The following RPTOR variants were observed in gnomAD, a reference collection of about 807,000 sequenced individuals.
RPTOR encodes regulatory-associated protein of mTOR.
In RPTOR, 21 loss-of-function variants were observed where a neutral mutation model predicts 169.9. The observed-to-expected ratio is 0.12, with a 90% confidence interval of 0.09 to 0.18. The LOEUF (loss-of-function observed/expected upper bound fraction) is 0.18. RPTOR is among the 10% of genes least tolerant of loss of function. The pLI is 1.00. For synonymous variants in RPTOR, 732 were observed against 753.2 expected (o/e 0.97, Z 0.46); for missense variants, 1,133 against 1,855.9 (o/e 0.61, Z 7.16).
Position 80,778,529 on chromosome 17 carries a change from A to G in RPTOR, c.831-12921A>G, listed in dbSNP as rs186227216. On this transcript the variant is annotated intron_variant, in intron 6 of 33. Coordinates refer to ENST00000306801, the MANE Select transcript of RPTOR (RefSeq NM_020761.3). ...TCACATTTTCCATACACCCCACACG[A>G]TTAAAGAATGGTCATTCTGCGTTTC... Among the ~76,000 whole-genome samples, 19 of 152,284 alleles carry G rather than the reference A, an allele frequency of 1.2e-4. No individual in the cohort carries two copies. In the East Asian group the frequency reaches 3.7e-3, roughly 29 times the overall value.
chr17:80,901,795 G>A (rs2068479163), intron 20 of RPTOR, among the ~76,000 whole-genome samples: 1 of 151,718 alleles, frequency 6.6e-6, no homozygotes, highest in Admixed American at 6.6e-5. Flanking sequence ...ATCTTTCCTG[G>A]CCCCCCAGAA....
chr17:80,657,716 A>G (rs2065690685), intron 3 of RPTOR, among the ~76,000 whole-genome samples: 2 of 152,144 alleles, frequency 1.3e-5, no homozygotes, highest in Non-Finnish European at 2.9e-5. Flanking sequence ...GGGCTGACTT[A>G]CTGGGGCATT....
chr17:80,634,325 A>ACTG (rs1567830581), intron 2 of RPTOR, among the ~76,000 whole-genome samples: 4 of 18,346 alleles, frequency 2.2e-4, no homozygotes, highest in Non-Finnish European at 3.2e-4. Context: ...TGTGCGTACT[A>ACTG]TGTGCGTGTG....
chr17:80,794,957 T>C (rs2067086310), intron 7 of RPTOR, among the ~76,000 whole-genome samples: 1 of 152,198 alleles, frequency 6.6e-6, no homozygotes. Flanking sequence ...GGTGATGTCT[T>C]GATGCTGGTG....
At chr17:80,742,973 A>T (rs969882647) in intron 5 of RPTOR, among the ~76,000 whole-genome samples, 5 of 152,110 alleles carry the variant, frequency 3.3e-5, no homozygotes. Context: ...TTTTGGTGCC[A>T]TGCCGCAGCA....
At chr17:80,618,335 C>G (rs2065328695) in intron 1 of RPTOR, among the ~76,000 whole-genome samples, 1 of 152,124 alleles carries the variant, frequency 6.6e-6, no homozygotes, top group Non-Finnish European at 1.5e-5. Flanking sequence ...CAGAATAAAA[C>G]TAGCACCTTT....
chr17:80,931,563 T>C (rs1254759406), intron 24 of RPTOR, among the ~76,000 whole-genome samples: 1 of 152,038 alleles, frequency 6.6e-6, no homozygotes, highest in Non-Finnish European at 1.5e-5. Context: ...CCTGTGCTGC[T>C]CCCCACAGAA....
intron 6 of RPTOR, among the ~76,000 whole-genome samples, chr17:80,757,329 C>G (rs1275584696): frequency 1.3e-5 from 2 of 152,196 alleles, no homozygotes; most frequent in African/African-American, 4.8e-5. Flanking sequence ...AGGCGGAAGA[C>G]CCTCTTGAGG....
intron 3 of RPTOR, among the ~76,000 whole-genome samples, chr17:80,653,024 A>T (rs571194339): frequency 2.4e-4 from 37 of 152,106 alleles, no homozygotes; most frequent in Admixed American, 4.6e-4. Flanking sequence ...TCATGTGCTT[A>T]TTGGCCATTT....
chr17:80,737,227 G>A (rs774797966), intron 5 of RPTOR, among the ~76,000 whole-genome samples: 3 of 152,168 alleles, frequency 2.0e-5, no homozygotes, highest in Admixed American at 6.5e-5. Flanking sequence ...CCATCACTGC[G>A]TGTCTGTGAC....
At chr17:80,841,948 C>T (rs144192190) in intron 10 of RPTOR, among the ~76,000 whole-genome samples, 7,393 of 135,944 alleles carry the variant, frequency 0.054, 440 homozygotes, top group East Asian at 0.13. Context: ...CGGCAGCTCA[C>T]ACTCACCGCA....
chr17:80,871,795 A>AT (rs1289614814), intron 13 of RPTOR, among the ~76,000 whole-genome samples: 1 of 151,918 alleles, frequency 6.6e-6, no homozygotes, highest in Admixed American at 6.6e-5. Context: ...CATTTCTGGG[A>AT]TTTTTTAGTA....
rs527503002 is a variant in RPTOR, at chr17:80,835,836, A to G, written c.1137-2086A>G. On this transcript the variant is annotated intron_variant, in intron 9 of 33. Transcript: ENST00000306801. ...ACACTTCCGGTCCCAGGCATTTTAGAGAAGAGATACTCAACCTGTATCCGC... is the reference window on the plus strand; with the variant it reads ...ACACTTCCGGTCCCAGGCATTTTAGGGAAGAGATACTCAACCTGTATCCGC... Among the ~76,000 whole-genome samples, 209 of 152,322 alleles carry G rather than the reference A, an allele frequency of 1.4e-3. 1 individual carries two copies. The highest frequency in any genetic ancestry group is 3.4e-3 in the Middle Eastern group (1 of 294).
chr17:80,797,309 T>G (rs2067110904), intron 7 of RPTOR, among the ~76,000 whole-genome samples: 1 of 152,210 alleles, frequency 6.6e-6, no homozygotes, highest in African/African-American at 2.4e-5. Flanking sequence ...ATTTTTATTT[T>G]GGGTTGTTTG....
chr17:80,900,565 C>T (rs1426414329), intron 20 of RPTOR, among the ~76,000 whole-genome samples: 1 of 152,214 alleles, frequency 6.6e-6, no homozygotes, highest in Non-Finnish European at 1.5e-5. Flanking sequence ...ATCTGCGCGC[C>T]TCAGCCTCCC....
In RPTOR at chr17:80,793,123, G is replaced by A. The variant is rs1214728072; in HGVS notation, c.890+1614G>A. 3.3e-5 allele frequency among the ~76,000 whole-genome samples: 5 copies of A among 152,104 alleles called. No homozygotes were observed. In the East Asian group the frequency reaches 5.8e-4, roughly 18 times the overall value. On this transcript the variant is annotated intron_variant, in intron 7 of 33. Transcript: ENST00000306801. ...ATTCTGGCCGTGCCAGGCCAAAATC[G>A]GAAACTTTTTGAGCACTGATGTGCT...
intron 1 of RPTOR, among the ~76,000 whole-genome samples, chr17:80,623,010 C>CTTT (rs1388519789): frequency 6.6e-6 from 1 of 152,120 alleles, no homozygotes; most frequent in Non-Finnish European, 1.5e-5. Context: ...ACTTTAAATT[C>CTTT]TGTTTTGAAT....
chr17:80,612,408 G>C (rs2065277947), intron 1 of RPTOR, among the ~76,000 whole-genome samples: 1 of 152,108 alleles, frequency 6.6e-6, no homozygotes, highest in Non-Finnish European at 1.5e-5. Flanking sequence ...TAGGATTGCA[G>C]GTGTGAGCCA....
At chr17:80,859,762 ATG>A (rs1230449207) in intron 13 of RPTOR, among the ~76,000 whole-genome samples, 1 of 152,220 alleles carries the variant, frequency 6.6e-6, no homozygotes, top group African/African-American at 2.4e-5. Flanking sequence ...TTGTGCGTGC[ATG>A]TGTGTGTGGC....
Sources: allele counts gnomAD v4.1 joint callset (sites outside exome capture counted in the v4.1 genomes callset), GRCh38; gene constraint gnomAD v4.1.1; transcripts MANE v1.5; gene names NCBI Gene and HGNC (gene_info 2026-07-23, HGNC 2026-07-21).